KATNIP: variants seen among roughly 807,000 people sequenced by gnomAD.
The protein encoded by KATNIP is katanin-interacting protein.
KATNIP carries 126 observed loss-of-function variants against 174.0 expected under a neutral mutation model. That is an observed-to-expected ratio of 0.72 (90% CI 0.63 to 0.84). KATNIP has a LOEUF of 0.84. Among genes scored for constraint, KATNIP ranks in the 40% least tolerant of loss-of-function variants. The pLI is 0.00. For synonymous variants in KATNIP, 810 were observed against 835.7 expected (o/e 0.97, Z 0.53); for missense variants, 1,958 against 2,109.7 (o/e 0.93, Z 1.41).
At position 27,590,802 on chromosome 16, in the gene KATNIP, G is replaced by A. The variant is rs2075138389; in HGVS notation, c.63+16846G>A. ...CTTCACCTTTTGCGGCTGTCCTTCT[G>A]TTTTGGTCTGTGTTTTTGTTCATGA... On this transcript the variant is annotated intron_variant, in intron 2 of 27. Coordinates refer to ENST00000261588, the MANE Select transcript of KATNIP (RefSeq NM_015202.5). Among the ~76,000 whole-genome samples, 3 of 152,318 alleles carry A rather than the reference G, an allele frequency of 2.0e-5. No homozygotes were observed. The South Asian group carries it at 6.2e-4, about 32-fold the overall frequency.
At chr16:27,624,570 C>T (rs2076280634) in intron 3 of KATNIP, among the ~76,000 whole-genome samples, 1 of 152,152 alleles carries the variant, frequency 6.6e-6, no homozygotes, top group South Asian at 2.1e-4. Flanking sequence ...AATCCCAGGA[C>T]TTTGGGAAGC....
intron 2 of KATNIP, among the ~76,000 whole-genome samples, chr16:27,582,203 C>T (rs1046034981): frequency 2.0e-5 from 3 of 152,154 alleles, no homozygotes; most frequent in South Asian, 2.1e-4. Flanking sequence ...TTCAGTTCTC[C>T]GTGTTCTTGC....
intron 8 of KATNIP, among the ~76,000 whole-genome samples, chr16:27,688,051 A>C (rs930747795): frequency 6.6e-6 from 1 of 152,334 alleles, no homozygotes; most frequent in African/African-American, 2.4e-5. Flanking sequence ...GTCTCTCGGG[A>C]AGCTGTTTCA....
At chr16:27,769,382 G>A (rs1167816146) in intron 20 of KATNIP, among the ~76,000 whole-genome samples, 1 of 152,238 alleles carries the variant, frequency 6.6e-6, no homozygotes, top group Non-Finnish European at 1.5e-5. Context: ...GAGTGATAGA[G>A]GCTAACATTC....
Position 27,750,318 on chromosome 16 carries a change from CT to C in KATNIP, c.3346+13del. The C allele has an allele frequency of 6.3e-7, 1 of 1,588,206 alleles. No individual in the cohort carries two copies. The highest frequency in any genetic ancestry group is 1.2e-5 in the South Asian group (1 of 85,320). On this transcript the variant is annotated intron_variant, in intron 16 of 27. Coordinates refer to ENST00000261588, the MANE Select transcript of KATNIP (RefSeq NM_015202.5). ...AACCCTGGCGGGAGGTATGGCGTGTCTGTAAGAATTTTCTCAGAGCCCCTAT... is the reference window on the plus strand; with the variant it reads ...AACCCTGGCGGGAGGTATGGCGTGTCGTAAGAATTTTCTCAGAGCCCCTAT...
chr16:27,598,514 G>A (rs1014300511), intron 2 of KATNIP, among the ~76,000 whole-genome samples: 1 of 152,126 alleles, frequency 6.6e-6, no homozygotes, highest in Non-Finnish European at 1.5e-5. Flanking sequence ...ATGCTGCCAC[G>A]GTGACCATAT....
chr16:27,694,813 A>AT (rs1224688836), intron 8 of KATNIP, among the ~76,000 whole-genome samples: 14 of 151,960 alleles, frequency 9.2e-5, no homozygotes, highest in African/African-American at 3.1e-4. Context: ...AAATAAATAA[A>AT]TAAATAAATT....
intron 8 of KATNIP, among the ~76,000 whole-genome samples, chr16:27,689,972 T>C (rs2078657190): frequency 2.0e-5 from 3 of 152,144 alleles, no homozygotes; most frequent in Admixed American, 1.3e-4. Context: ...TAAAGACTGC[T>C]TGGTCATGAT....
chr16:27,767,228 T>G (rs954592072), intron 20 of KATNIP, among the ~76,000 whole-genome samples: 2 of 152,138 alleles, frequency 1.3e-5, no homozygotes, highest in African/African-American at 4.8e-5. Context: ...ACCAGCTGCG[T>G]AACCTCTGGC....
intron 5 of KATNIP, among the ~76,000 whole-genome samples, chr16:27,640,410 G>A (rs1342897050): frequency 6.6e-6 from 1 of 152,196 alleles, no homozygotes; most frequent in Non-Finnish European, 1.5e-5. Context: ...GTTGGAACCT[G>A]CCAGCCTGGG....
chr16:27,724,278 G>A (rs1429779110), intron 14 of KATNIP, among the ~76,000 whole-genome samples: 1 of 152,156 alleles, frequency 6.6e-6, no homozygotes, highest in Non-Finnish European at 1.5e-5. Flanking sequence ...GGTGGCCATC[G>A]TCACCCTCTT....
At position 27,713,788 on chromosome 16, in the gene KATNIP, ATG is replaced by A. The variant is rs199886034; in HGVS notation, c.1605+4882_1605+4883del. ...ATATGTATATATACACATATTATAT[ATG>A]TGTGTGTGTGTGTATATACATATAT... is the stretch of plus-strand genomic sequence containing the variant. On this transcript the variant is annotated intron_variant, in intron 13 of 27. Transcript: ENST00000261588. 2.4e-3 allele frequency among the ~76,000 whole-genome samples: 215 copies of A among 89,140 alleles called. 4 individuals are homozygous for A. Among genetic ancestry groups the A allele is most frequent in the African/African-American group, 6.8e-3 (140 of 20,692 alleles). 58.5% of individuals were successfully genotyped at this position (89,140 alleles called of 152,430 possible). A position where few individuals can be genotyped will look rare whatever the true frequency, so the allele number is the denominator to read the frequency against.
intron 19 of KATNIP, 137 bp downstream of exon 19, chr16:27,761,727 C>A: frequency 1.3e-6 from 1 of 772,712 alleles, no homozygotes; most frequent in Non-Finnish European, 2.1e-6. Context: ...GTAATGTGGT[C>A]AAGGGAAACC....
chr16:27,580,013 G>A (rs185280628), intron 2 of KATNIP, among the ~76,000 whole-genome samples: 6 of 152,080 alleles, frequency 3.9e-5, no homozygotes, highest in Non-Finnish European at 8.8e-5. Flanking sequence ...CTCCAGGGAC[G>A]AGGTTATCTC....
chr16:27,771,701 C>T (rs370973292), intron 22 of KATNIP, 49 bp downstream of exon 22: 240 of 1,581,150 alleles, frequency 1.5e-4, no homozygotes, highest in African/African-American at 8.6e-4. Context: ...CCCGAGGCAG[C>T]GCCTGGGCCG....
At chr16:27,580,678 A>G (rs905167262) in intron 2 of KATNIP, among the ~76,000 whole-genome samples, 6 of 150,492 alleles carry the variant, frequency 4.0e-5, no homozygotes, top group East Asian at 2.0e-4. Flanking sequence ...CCCTCATGCA[A>G]TACACATTGT....
intron 20 of KATNIP, among the ~76,000 whole-genome samples, chr16:27,769,215 A>G (rs1248128782): frequency 1.3e-5 from 2 of 152,218 alleles, no homozygotes; most frequent in African/African-American, 2.4e-5. Flanking sequence ...AACCTCTGCC[A>G]TAAGAGAGAC....
intron 15 of KATNIP, among the ~76,000 whole-genome samples, 169 bp from the exon 16 acceptor site, chr16:27,749,415 G>A (rs995205311): frequency 3.3e-5 from 5 of 152,138 alleles, no homozygotes; most frequent in Non-Finnish European, 5.9e-5. Context: ...AGTGCCAAGA[G>A]GCCTCTTGGC....
intron 13 of KATNIP, among the ~76,000 whole-genome samples, chr16:27,715,434 G>A (rs112315404): frequency 6.6e-5 from 10 of 152,216 alleles, no homozygotes; most frequent in Non-Finnish European, 1.0e-4. Flanking sequence ...AAGAAAAAAC[G>A]GATAAGTCAG....
Sources: allele counts gnomAD v4.1 joint callset (sites outside exome capture counted in the v4.1 genomes callset), GRCh38; gene constraint gnomAD v4.1.1; transcripts MANE v1.5; gene names NCBI Gene and HGNC (gene_info 2026-07-23, HGNC 2026-07-21).